ST7L: variants seen among roughly 807,000 people sequenced by gnomAD.
ST7L encodes suppression of tumorigenicity 7 like, also known as suppressor of tumorigenicity 7 protein-like.
ST7L carries 57 observed loss-of-function variants against 72.5 expected under a neutral mutation model. The observed-to-expected ratio is 0.79, with a 90% CI of 0.64 to 0.98. The LOEUF (loss-of-function observed/expected upper bound fraction) is 0.98. Ranked by LOEUF, ST7L falls within the 50% of genes least tolerant of loss-of-function variation. The pLI is 0.00. For synonymous variants in ST7L, 221 were observed against 240.9 expected (o/e 0.92, Z 0.77); for missense variants, 576 against 672.2 (o/e 0.86, Z 1.58).
At chr1:112,596,309 G>GAAACTGCATT (rs1407073601) in intron 5 of ST7L, among the ~76,000 whole-genome samples, 1 of 152,040 alleles carries the variant, frequency 6.6e-6, no homozygotes, top group East Asian at 1.9e-4. Flanking sequence ...TTTAATGCAG[G>GAAACTGCATT]AAACTGGCTA....
intron 6 of ST7L, among the ~76,000 whole-genome samples, chr1:112,586,743 A>C (rs377154644): frequency 1.3e-5 from 2 of 152,196 alleles, no homozygotes; most frequent in South Asian, 4.1e-4. Context: ...TACTTTGAAG[A>C]ATGTTGGTTT....
At chr1:112,599,076 ATATATATATATATAT>A (rs1666972595) in intron 4 of ST7L, among the ~76,000 whole-genome samples, 11 of 42,734 alleles carry the variant, frequency 2.6e-4, no homozygotes, top group East Asian at 1.1e-3. Context: ...AAAAAAAAAT[ATATATATATATATAT>A]ATATATATAT....
In ST7L at chr1:112,599,059, C is replaced by CAAAAAAAAAAAAAA. The variant is rs761424885; in HGVS notation, c.507-987_507-974dup. Among the ~76,000 whole-genome samples, 3 of 5,202 alleles carry CAAAAAAAAAAAAAA rather than the reference C, an allele frequency of 5.8e-4. 1 individual carries two copies. The highest frequency in any genetic ancestry group is 1.1e-3 in the Non-Finnish European group (3 of 2,842). 3.4% of individuals were successfully genotyped at this position (5,202 alleles called of 152,430 possible). ...TGGATGACAGAGAGAGACTCAGCCT[C>CAAAAAAAAAAAAAA]AAAAAAAAAAAAAAATATATATATA... On this transcript the variant is annotated intron_variant, in intron 4 of 14. Transcript: ENST00000358039.
intron 11 of ST7L, among the ~76,000 whole-genome samples, chr1:112,564,480 A>G (rs1192102864): frequency 2.6e-5 from 4 of 152,098 alleles, no homozygotes; most frequent in Admixed American, 1.3e-4. Flanking sequence ...TATCTTTTAT[A>G]TATGCCGGTG....
In ST7L at chr1:112,574,485, T is replaced by C. The variant is rs192255766; in HGVS notation, c.1245+2501A>G. 4.6e-3 allele frequency among the ~76,000 whole-genome samples: 699 copies of C among 151,482 alleles called. 4 individuals carry two copies. Among genetic ancestry groups the C allele is most frequent in the African/African-American group, 0.014 (559 of 41,334 alleles). On this transcript the variant is annotated intron_variant, in intron 11 of 14. Coordinates refer to ENST00000358039, the MANE Select transcript of ST7L (RefSeq NM_017744.5). ...CCATCCTGGCTAACACTGTGAAACC[T>C]CGTCTCTACTAAAAATACAAAAAAT...
chr1:112,582,571 G>T, intron 7 of ST7L, 99 bp from the exon 8 acceptor site: 1 of 620,238 alleles, frequency 1.6e-6, no homozygotes, highest in Non-Finnish European at 2.7e-6. Flanking sequence ...TCCCTTGGAA[G>T]AGTCAATTAA....
chr1:112,560,649 T>C (rs994996178), intron 11 of ST7L, among the ~76,000 whole-genome samples: 2 of 152,052 alleles, frequency 1.3e-5, no homozygotes, highest in Non-Finnish European at 2.9e-5. Flanking sequence ...CCTAGCATAT[T>C]ACACTAAAAG....
intron 11 of ST7L, among the ~76,000 whole-genome samples, chr1:112,558,373 T>C (rs1659536192): frequency 6.6e-6 from 1 of 152,216 alleles, no homozygotes; most frequent in Non-Finnish European, 1.5e-5. Context: ...AATAAGACTC[T>C]AGGAAGACTC....
intron 4 of ST7L, 90 bp from the exon 5 acceptor site, chr1:112,598,176 G>A: frequency 3.8e-6 from 3 of 784,780 alleles, no homozygotes; most frequent in East Asian, 5.5e-5. Flanking sequence ...AAAATGTACT[G>A]CTACACATTT....
chr1:112,611,366 C>A (rs1669041249), intron 2 of ST7L, among the ~76,000 whole-genome samples: 1 of 152,186 alleles, frequency 6.6e-6, no homozygotes, highest in Non-Finnish European at 1.5e-5. Flanking sequence ...AGTGGATGAA[C>A]AGACTAGACT....
At chr1:112,559,866 C>T (rs1659813160) in intron 11 of ST7L, among the ~76,000 whole-genome samples, 2 of 151,878 alleles carry the variant, frequency 1.3e-5, no homozygotes, top group South Asian at 4.2e-4. Flanking sequence ...GTAATCCCAG[C>T]TACTCGGGAG....
At chr1:112,580,653 G>T (rs188495166) in intron 9 of ST7L, among the ~76,000 whole-genome samples, 1 of 152,102 alleles carries the variant, frequency 6.6e-6, no homozygotes, top group Non-Finnish European at 1.5e-5. Flanking sequence ...TGCCAGGTGC[G>T]GTGGCTCACG....
chr1:112,537,001 T>G (rs1203674618), intron 14 of ST7L, among the ~76,000 whole-genome samples: 1 of 144,714 alleles, frequency 6.9e-6, no homozygotes, highest in African/African-American at 2.5e-5. Flanking sequence ...AACTAGGGAC[T>G]TTTTTTTTTT....
At chr1:112,581,458 G>A (rs1469444432) in intron 9 of ST7L, among the ~76,000 whole-genome samples, 1 of 150,504 alleles carries the variant, frequency 6.6e-6, no homozygotes, top group Non-Finnish European at 1.5e-5. Context: ...GACTACAGTG[G>A]TGCAGTCACA....
intron 12 of ST7L, among the ~76,000 whole-genome samples, chr1:112,551,948 A>G (rs1658274075): frequency 6.6e-6 from 1 of 152,234 alleles, no homozygotes; most frequent in Non-Finnish European, 1.5e-5. Context: ...AATAAATGTG[A>G]GCTATACATA....
chr1:112,565,731 G>A (rs1430199436), intron 11 of ST7L, among the ~76,000 whole-genome samples: 2 of 152,004 alleles, frequency 1.3e-5, no homozygotes, highest in Admixed American at 1.3e-4. Flanking sequence ...ACTCAAAGAA[G>A]ATGGGCCAGG....
chr1:112,556,992 A>AAAAAAAAAC, intron 11 of ST7L, among the ~76,000 whole-genome samples: 8 of 143,474 alleles, frequency 5.6e-5, no homozygotes, highest in African/African-American at 2.3e-4. Flanking sequence ...AAACAAAAAA[A>AAAAAAAAAC]AAAAAACACA....
At chr1:112,592,614 A>T (rs1445908556) in intron 5 of ST7L, among the ~76,000 whole-genome samples, 3 of 152,204 alleles carry the variant, frequency 2.0e-5, no homozygotes, top group Non-Finnish European at 2.9e-5. Flanking sequence ...AATAATGCAT[A>T]ATACTAGACT....
chr1:112,576,870 A>G, intron 11 of ST7L, 116 bp downstream of exon 11: 1 of 672,386 alleles, frequency 1.5e-6, no homozygotes, highest in Non-Finnish European at 2.5e-6. Flanking sequence ...GCATCAAAAT[A>G]TAGCAGATTA....
Sources: gnomAD v4.1 joint callset for allele counts (sites outside exome capture counted in the v4.1 genomes callset) on GRCh38, gnomAD v4.1.1 for gene constraint, MANE v1.5 for transcripts, NCBI Gene and HGNC (gene_info 2026-07-23, HGNC 2026-07-21) for gene names.